RGS6: variants seen among roughly 807,000 people sequenced by gnomAD.
RGS6 encodes regulator of G protein signaling 6, also known as regulator of G-protein signaling 6.
Under a neutral mutation model 78.5 loss-of-function variants are expected in RGS6, and 30 were observed. That is an observed-to-expected ratio of 0.38 (90% CI 0.29 to 0.52). The LOEUF is 0.52. Among genes scored for constraint, RGS6 ranks in the 20% least tolerant of loss-of-function variants. RGS6 has a pLI of 0.85. For missense variants in RGS6, 495 were observed against 609.7 expected (o/e 0.81, Z 1.98); for synonymous variants, 206 against 206.0 (o/e 1.00, Z 0.00).
At chr14:72,260,089 T>C (rs2057865131) in intron 2 of RGS6, among the ~76,000 whole-genome samples, 1 of 152,188 alleles carries the variant, frequency 6.6e-6, no homozygotes, top group Non-Finnish European at 1.5e-5. Context: ...AGCTATATAT[T>C]TTCATCAGAA....
rs144714264 is a variant in RGS6, at chr14:72,320,438, C to T, written c.85-31657C>T. Among the ~76,000 whole-genome samples, 53 of 151,956 alleles carry T rather than the reference C, an allele frequency of 3.5e-4. 1 individual carries two copies. The East Asian group carries it at 4.1e-3, about 12-fold the overall frequency. ...CCAAAAAAATTAAAAATTAGCTGGG[C>T]GTGGTGGCGGGCACCTGTAGTCCCA... is the stretch of plus-strand genomic sequence containing the variant. On this transcript the variant is annotated intron_variant, in intron 2 of 17. Transcript: ENST00000553525.
intron 2 of RGS6, among the ~76,000 whole-genome samples, chr14:72,088,747 G>T (rs2095153285): frequency 6.6e-6 from 1 of 152,058 alleles, no homozygotes; most frequent in Admixed American, 6.6e-5. Context: ...TGCAGTAGGG[G>T]GCTCTCCATG....
intron 13 of RGS6, among the ~76,000 whole-genome samples, chr14:72,503,457 T>C (rs907268557): frequency 6.6e-6 from 1 of 152,200 alleles, no homozygotes; most frequent in Non-Finnish European, 1.5e-5. Flanking sequence ...AGATTAAAGA[T>C]ACCATTCATC....
intron 13 of RGS6, among the ~76,000 whole-genome samples, chr14:72,495,513 C>G (rs896741709): frequency 6.6e-5 from 10 of 152,170 alleles, no homozygotes; most frequent in Non-Finnish European, 1.3e-4. Context: ...TCACCATTCC[C>G]TAGTTCTGAT....
At chr14:71,881,020 A>G in the RGS6 span, among the ~76,000 whole-genome samples, 1 of 152,226 alleles carries the variant, frequency 6.6e-6, no homozygotes, top group Non-Finnish European at 1.5e-5. Flanking sequence ...CACCTCTTAC[A>G]TCAGTGTGAC....
chr14:72,245,908 CTG>C (rs2054109757), intron 2 of RGS6, among the ~76,000 whole-genome samples: 1 of 152,166 alleles, frequency 6.6e-6, no homozygotes, highest in Non-Finnish European at 1.5e-5. Context: ...CTTGACATCC[CTG>C]TGTCTTTGGA....
chr14:72,172,434 A>G (rs1018059679), intron 2 of RGS6, among the ~76,000 whole-genome samples: 3 of 152,000 alleles, frequency 2.0e-5, no homozygotes, highest in African/African-American at 7.3e-5. Flanking sequence ...TTATTTTTAT[A>G]GCAATGAGAA....
At chr14:72,369,750 G>T (rs1314045266) in intron 3 of RGS6, among the ~76,000 whole-genome samples, 1 of 152,098 alleles carries the variant, frequency 6.6e-6, no homozygotes. Flanking sequence ...AATTGTATTT[G>T]TCCAGGTCTA....
chr14:72,582,356 C>T, the RGS6 span, among the ~76,000 whole-genome samples: 1 of 152,096 alleles, frequency 6.6e-6, no homozygotes, highest in Admixed American at 6.5e-5. Flanking sequence ...CTGTTGTAGT[C>T]AACTTTATAT....
the RGS6 span, among the ~76,000 whole-genome samples, chr14:71,894,322 A>G: frequency 6.6e-5 from 10 of 152,236 alleles, no homozygotes; most frequent in African/African-American, 2.2e-4. Context: ...CAATATCTGG[A>G]GAACAAAGAC....
chr14:72,070,320 GT>G (rs2094360287), intron 2 of RGS6, among the ~76,000 whole-genome samples: 1 of 152,126 alleles, frequency 6.6e-6, no homozygotes, highest in African/African-American at 2.4e-5. Flanking sequence ...ATGTGCCTGG[GT>G]TATTACCAAC....
intron 2 of RGS6, among the ~76,000 whole-genome samples, chr14:72,088,053 G>T (rs934590602): frequency 6.6e-6 from 1 of 152,132 alleles, no homozygotes; most frequent in African/African-American, 2.4e-5. Flanking sequence ...TTTGCGCTTT[G>T]GGCTGAGCAA....
the RGS6 span, among the ~76,000 whole-genome samples, chr14:71,910,174 A>C: frequency 6.6e-6 from 1 of 151,078 alleles, no homozygotes; most frequent in Non-Finnish European, 1.5e-5. Flanking sequence ...TAGGCAACAG[A>C]GCGAGACTCT....
At chr14:72,596,069 T>A in the RGS6 span, among the ~76,000 whole-genome samples, 1 of 152,230 alleles carries the variant, frequency 6.6e-6, no homozygotes, top group Non-Finnish European at 1.5e-5. Context: ...CATTTTTCTA[T>A]TGCTGCAGCA....
chr14:72,466,668 A>C (rs906669390), intron 7 of RGS6, among the ~76,000 whole-genome samples: 7 of 152,222 alleles, frequency 4.6e-5, no homozygotes, highest in Non-Finnish European at 1.0e-4. Context: ...CATTCTTGAA[A>C]AGATAAAACT....
At chr14:72,128,764 A>G (rs2096254534) in intron 2 of RGS6, among the ~76,000 whole-genome samples, 1 of 152,274 alleles carries the variant, frequency 6.6e-6, no homozygotes, top group Non-Finnish European at 1.5e-5. Context: ...TGTTGGTAGG[A>G]AGTAGAAAAC....
At chr14:72,204,878 G>A (rs576833972) in intron 2 of RGS6, among the ~76,000 whole-genome samples, 4 of 152,184 alleles carry the variant, frequency 2.6e-5, no homozygotes, top group Admixed American at 2.0e-4. Context: ...TCCAGGGGGA[G>A]CACCCCCAAG....
At chr14:72,105,517 A>T (rs2095615812) in intron 2 of RGS6, among the ~76,000 whole-genome samples, 2 of 152,266 alleles carry the variant, frequency 1.3e-5, no homozygotes, top group South Asian at 4.2e-4. Flanking sequence ...TTTTTTCTGA[A>T]AATTCCAGGA....
At chr14:72,458,528 G>GTCAC in intron 5 of RGS6, 151 bp downstream of exon 5, 2 of 624,922 alleles carry the variant, frequency 3.2e-6, no homozygotes, top group Non-Finnish European at 2.8e-6. Context: ...TTTTCTCTGG[G>GTCAC]CCACTGGGTG....
Sources: allele counts gnomAD v4.1 joint callset (sites outside exome capture counted in the v4.1 genomes callset), GRCh38; gene constraint gnomAD v4.1.1; transcripts MANE v1.5; gene names NCBI Gene and HGNC (gene_info 2026-07-23, HGNC 2026-07-21).